The following ATOSA variants were observed in gnomAD, a reference collection of about 807,000 sequenced individuals.
The protein encoded by ATOSA is atos homolog A.
At chr15:52,584,435 G>A in the ATOSA span, among the ~76,000 whole-genome samples, 9 of 152,012 alleles carry the variant, frequency 5.9e-5, no homozygotes, top group East Asian at 9.6e-4. Context: ...CACTGTGCCC[G>A]GCCCTCGTAT....
the ATOSA span, chr15:52,629,701 C>G: frequency 5.7e-6 from 2 of 353,068 alleles, no homozygotes; most frequent in Non-Finnish European, 1.2e-5. Flanking sequence ...ACTCGAGAGG[C>G]TGAGGCAGCA....
At chr15:52,643,989 A>C in the ATOSA span, among the ~76,000 whole-genome samples, 1 of 152,114 alleles carries the variant, frequency 6.6e-6, no homozygotes, top group African/African-American at 2.4e-5. Flanking sequence ...AAAGTCTTTA[A>C]AAATATTATT....
At chr15:52,611,855 A>G in the ATOSA span, 4 of 1,294,794 alleles carry the variant, frequency 3.1e-6, no homozygotes, top group Non-Finnish European at 4.3e-6. Flanking sequence ...TTATCATTGT[A>G]AAGTAGACAT....
At chr15:52,584,749 G>T in the ATOSA span, 6 of 1,609,344 alleles carry the variant, frequency 3.7e-6, no homozygotes, top group African/African-American at 8.0e-5. Flanking sequence ...CATTACCTCA[G>T]ATGTATGAGG....
chr15:52,706,442 T>C, the ATOSA span, among the ~76,000 whole-genome samples: 1 of 152,206 alleles, frequency 6.6e-6, no homozygotes, highest in Non-Finnish European at 1.5e-5. Flanking sequence ...TTAATATGTA[T>C]TGCAGGACTG....
the ATOSA span, among the ~76,000 whole-genome samples, chr15:52,659,668 T>C: frequency 1.3e-5 from 2 of 152,138 alleles, no homozygotes; most frequent in Non-Finnish European, 2.9e-5. Flanking sequence ...ATATTTAAGC[T>C]ATCTAAGTAC....
At chr15:52,706,830 T>C in the ATOSA span, among the ~76,000 whole-genome samples, 5 of 152,132 alleles carry the variant, frequency 3.3e-5, no homozygotes, top group Admixed American at 2.6e-4. Flanking sequence ...TCCACTGATA[T>C]AAGATATTCA....
chr15:52,636,055 TATTAA>T, the ATOSA span, among the ~76,000 whole-genome samples: 10 of 146,998 alleles, frequency 6.8e-5, no homozygotes, highest in East Asian at 5.9e-4. Flanking sequence ...TTAATAAATT[TATTAA>T]ATTAAATTAA....
At chr15:52,652,155 G>T in the ATOSA span, 1 of 1,053,548 alleles carries the variant, frequency 9.5e-7, no homozygotes, top group Non-Finnish European at 1.3e-6. Context: ...ACAGCTTCCT[G>T]TCTACTTGGC....
At chr15:52,613,064 C>A in the ATOSA span, among the ~76,000 whole-genome samples, 1 of 151,992 alleles carries the variant, frequency 6.6e-6, no homozygotes, top group East Asian at 1.9e-4. Flanking sequence ...TGAGCCAGGG[C>A]TGAGATTCTC....
the ATOSA span, among the ~76,000 whole-genome samples, chr15:52,625,881 AGTCT>A: frequency 1.3e-5 from 2 of 152,184 alleles, no homozygotes; most frequent in African/African-American, 2.4e-5. Flanking sequence ...TCAACTCTGA[AGTCT>A]GTCAACCAGC....
At chr15:52,669,118 C>T in the ATOSA span, among the ~76,000 whole-genome samples, 9 of 152,090 alleles carry the variant, frequency 5.9e-5, no homozygotes, top group East Asian at 1.7e-3. Flanking sequence ...GATGGGGTTT[C>T]ACCATTGTTA....
At chr15:52,677,494 T>C in the ATOSA span, among the ~76,000 whole-genome samples, 2 of 152,238 alleles carry the variant, frequency 1.3e-5, no homozygotes, top group Admixed American at 1.3e-4. Flanking sequence ...AAACTGTCCA[T>C]ATGCTGGTAT....
the ATOSA span, among the ~76,000 whole-genome samples, chr15:52,584,486 T>C: frequency 1.5e-4 from 23 of 152,312 alleles, no homozygotes; most frequent in African/African-American, 5.5e-4. Context: ...TGTGTTTCAC[T>C]GCCCCAGATG....
chr15:52,670,169 G>A, the ATOSA span, among the ~76,000 whole-genome samples: 1 of 152,194 alleles, frequency 6.6e-6, no homozygotes, highest in Non-Finnish European at 1.5e-5. Flanking sequence ...GGTTGACAGT[G>A]ACATAAGTGT....
At chr15:52,589,786 T>C in the ATOSA span, among the ~76,000 whole-genome samples, 7 of 152,298 alleles carry the variant, frequency 4.6e-5, no homozygotes, top group African/African-American at 1.7e-4. Flanking sequence ...ACACATTTTC[T>C]TCTGGCATTT....
At chr15:52,645,443 CAAATAAAT>C in the ATOSA span, among the ~76,000 whole-genome samples, 1 of 149,924 alleles carries the variant, frequency 6.7e-6, no homozygotes, top group African/African-American at 2.4e-5. Flanking sequence ...GACTCCATCT[CAAATAAAT>C]AAATAAATAA....
At chr15:52,708,681 T>C in the ATOSA span, among the ~76,000 whole-genome samples, 1 of 150,912 alleles carries the variant, frequency 6.6e-6, no homozygotes, top group African/African-American at 2.4e-5. Context: ...ATTGGGTACT[T>C]TTTTTTTTTC....
the ATOSA span, among the ~76,000 whole-genome samples, chr15:52,687,143 C>T: frequency 6.6e-6 from 1 of 152,202 alleles, no homozygotes; most frequent in African/African-American, 2.4e-5. Flanking sequence ...CGGTGGCTCA[C>T]GCCTGTAATC....
Sources: allele counts gnomAD v4.1 joint callset (sites outside exome capture counted in the v4.1 genomes callset), GRCh38; gene constraint gnomAD v4.1.1; transcripts MANE v1.5; gene names NCBI Gene and HGNC (gene_info 2026-07-23, HGNC 2026-07-21).